The following PTPRF variants were observed in gnomAD, a reference collection of about 807,000 sequenced individuals.
PTPRF encodes the protein protein tyrosine phosphatase receptor type F.
In PTPRF, 59 loss-of-function variants were observed where a neutral mutation model predicts 201.8. The observed-to-expected ratio is 0.29, with a 90% CI of 0.24 to 0.36. The LOEUF (loss-of-function observed/expected upper bound fraction) is 0.36. Among genes scored for constraint, PTPRF ranks in the 10% least tolerant of loss-of-function variants. The probability of loss-of-function intolerance (pLI) is 1.00; values close to 1 mark genes in which losing one functional copy is unlikely to be tolerated. For missense variants in PTPRF, 2,132 were observed against 2,690.5 expected (o/e 0.79, Z 4.59); for synonymous variants, 1,088 against 1,089.7 (o/e 1.00, Z 0.03).
intron 3 of PTPRF, among the ~76,000 whole-genome samples, chr1:43,545,951 G>A (rs1413805903): frequency 6.6e-6 from 1 of 152,176 alleles, no homozygotes; most frequent in Non-Finnish European, 1.5e-5. Flanking sequence ...CTTGGTTACT[G>A]GTGGGAGGCG....
intron 21 of PTPRF, among the ~76,000 whole-genome samples, chr1:43,609,055 G>C (rs987306495): frequency 2.6e-5 from 4 of 152,030 alleles, no homozygotes; most frequent in African/African-American, 7.3e-5. Flanking sequence ...TACTCAGCTG[G>C]GTGGCCTTGG....
chr1:43,527,386 C>T (rs1056562790), upstream of PTPRF, among the ~76,000 whole-genome samples: 2 of 152,230 alleles, frequency 1.3e-5, no homozygotes, highest in South Asian at 2.1e-4. Context: ...CTCCCAGGCC[C>T]GGCCACCTGA....
intron 5 of PTPRF, among the ~76,000 whole-genome samples, chr1:43,559,818 G>T (rs1472986963): frequency 6.7e-6 from 1 of 149,454 alleles, no homozygotes; most frequent in African/African-American, 2.5e-5. Flanking sequence ...TGGTGTGTGT[G>T]TGCATCTTTA....
intron 5 of PTPRF, among the ~76,000 whole-genome samples, chr1:43,556,158 CAT>C (rs549246090): frequency 2.0e-4 from 31 of 152,240 alleles, no homozygotes; most frequent in Non-Finnish European, 3.5e-4. Flanking sequence ...AACAGCTGCA[CAT>C]GTTTTCACAT....
Position 43,603,589 on chromosome 1 carries a change from A to G in PTPRF, c.2459-22A>G. The G allele has an allele frequency of 1.2e-6, 2 of 1,612,410 alleles. No homozygotes were observed. Among genetic ancestry groups the G allele is most frequent in the Middle Eastern group, 3.3e-4 (2 of 6,058 alleles). On this transcript the variant is annotated intron_variant, in intron 15 of 33. Transcript: ENST00000359947. This position sits in a 1 kb window ranked among gnomAD's most constrained non-coding sequence, Gnocchi z 5.8. The stretch of plus-strand genomic sequence containing the variant: ...TGGGGCAGCAGGAGGGCAGCGCCAG[A>G]GCCCAGCCCGTGGTCCTTCAGTCCC...
chr1:43,590,519 C>G, intron 8 of PTPRF, among the ~76,000 whole-genome samples: 1 of 152,220 alleles, frequency 6.6e-6, no homozygotes, highest in East Asian at 1.9e-4. Context: ...CTCTTTCTAT[C>G]CGGGCCAGTC....
At chr1:43,598,420 C>A (rs1652914443) in intron 12 of PTPRF, 1 of 481,914 alleles carries the variant, frequency 2.1e-6, no homozygotes, top group African/African-American at 1.9e-5. Context: ...ACAGGTTGTG[C>A]TGACTAGGGG....
chr1:43,543,478 G>T (rs74071960), intron 2 of PTPRF, among the ~76,000 whole-genome samples: 2,393 of 152,292 alleles, frequency 0.016, 68 homozygotes, highest in African/African-American at 0.054. Context: ...TTACTTTGTT[G>T]TTCAGCTCCT....
chr1:43,615,040 T>C (rs1657409544), intron 23 of PTPRF, among the ~76,000 whole-genome samples: 1 of 151,980 alleles, frequency 6.6e-6, no homozygotes, highest in Non-Finnish European at 1.5e-5. Flanking sequence ...AATTGAGGGG[T>C]TGGCTGAGCC....
intron 5 of PTPRF, among the ~76,000 whole-genome samples, chr1:43,561,284 T>A (rs1395065881): frequency 6.6e-6 from 1 of 152,110 alleles, no homozygotes; most frequent in Non-Finnish European, 1.5e-5. Context: ...GGTACATGTG[T>A]GTTTTCTCAA....
rs1654815428 is a variant in PTPRF, at chr1:43,605,299, G to T, written c.3245G>T (p.Ser1082Ile). ...EYSFVLMNRG[S>I]SAGGLQHLVS... The stretch of plus-strand genomic sequence containing the variant: ...TCGTTTGTGCTGATGAACCGTGGCA[G>T]CAGCGCAGGGGGCCTGCAGCACCTG... The change falls in exon 18 of 34, where the codon AGC becomes ATC. Residue 1082 changes from serine (S) to isoleucine (I), a missense_variant. Coordinates refer to ENST00000359947, the MANE Select transcript of PTPRF (RefSeq NM_002840.5). 1.9e-6 allele frequency: 3 copies of T among 1,613,312 alleles called. No individual in the cohort carries two copies. Among genetic ancestry groups the T allele is most frequent in the East Asian group, 2.2e-5 (1 of 44,852 alleles).
chr1:43,597,740 T>TTCCCCCCCCCCCCCCCCCCC lies in PTPRF; in HGVS notation c.1814-3_1814-2insCCCCCCCCCCCCCCCTCCCC. On this transcript the variant is annotated splice_polypyrimidine_tract_variant and splice_region_variant and intron_variant, in intron 11 of 33. Coordinates refer to ENST00000359947, the MANE Select transcript of PTPRF (RefSeq NM_002840.5). ...TCTGCTTGCTTCCCCCCCATTTGTC[T>TTCCCCCCCCCCCCCCCCCCC]TCCCCAGCCCCCTCCGCCCCTCCCC... 1 of 1,447,670 alleles carries TTCCCCCCCCCCCCCCCCCCC rather than the reference T, an allele frequency of 6.9e-7. No individual in the cohort carries two copies. Among genetic ancestry groups the TTCCCCCCCCCCCCCCCCCCC allele is most frequent in the Non-Finnish European group, 9.5e-7 (1 of 1,051,800 alleles). 89.7% of individuals were successfully genotyped at this position (1,447,670 alleles called of 1,614,324 possible). A position where few individuals can be genotyped will look rare whatever the true frequency, so the allele number is the denominator to read the frequency against.
At chr1:43,596,146 T>G (rs1570462937) in intron 11 of PTPRF, among the ~76,000 whole-genome samples, 4 of 150,748 alleles carry the variant, frequency 2.7e-5, no homozygotes, top group East Asian at 2.0e-4. Context: ...ACATGGAGGG[T>G]GGGAAGGACA....
intron 7 of PTPRF, among the ~76,000 whole-genome samples, chr1:43,586,454 C>G (rs1420626534): frequency 6.6e-6 from 1 of 152,210 alleles, no homozygotes; most frequent in Non-Finnish European, 1.5e-5. Context: ...ATTTGAGGTG[C>G]GTGCTCAGAG....
intron 2 of PTPRF, among the ~76,000 whole-genome samples, chr1:43,539,977 G>T (rs1644261392): frequency 1.3e-5 from 2 of 152,208 alleles, no homozygotes; most frequent in African/African-American, 4.8e-5. Flanking sequence ...AAGGCCCAGG[G>T]TGCCCACAGG....
chr1:43,597,761 TC>T lies in PTPRF; in HGVS notation c.1831del (p.Gln611ArgfsTer3). 2 of 794,072 alleles carry T rather than the reference TC, an allele frequency of 2.5e-6. No individual in the cohort carries two copies. The highest frequency in any genetic ancestry group is 3.5e-6 in the Non-Finnish European group (2 of 574,236). The allele number at this position is 794,072 out of a possible 1,614,324, so 49.2% of individuals were successfully genotyped here. ...TGTCTTCCCCAGCCCCCTCCGCCCC[TC>T]CCCAGAAGGTGATGTGTGTGAGCAT... ...RTAQSTPSAP[P>X]QKVMCVSMGS... On this transcript the variant is annotated frameshift_variant, in exon 12 of 34. Coordinates refer to ENST00000359947, the MANE Select transcript of PTPRF (RefSeq NM_002840.5). LOFTEE classifies it high-confidence loss of function.
intron 5 of PTPRF, among the ~76,000 whole-genome samples, chr1:43,555,240 T>G (rs770274844): frequency 6.6e-6 from 1 of 152,134 alleles, no homozygotes; most frequent in Non-Finnish European, 1.5e-5. Flanking sequence ...GAGGAAAAAA[T>G]TAAAATGTCT....
chr1:43,578,781 G>T (rs772440896), intron 6 of PTPRF, 29 bp from the exon 7 acceptor site: 1 of 1,566,290 alleles, frequency 6.4e-7, no homozygotes, highest in East Asian at 2.2e-5. Context: ...CATGGGCCGT[G>T]CCTGACCTCT....
At chr1:43,544,267 T>G (rs537322303) in intron 2 of PTPRF, among the ~76,000 whole-genome samples, 2 of 152,026 alleles carry the variant, frequency 1.3e-5, no homozygotes, top group East Asian at 3.9e-4. Context: ...TTCTAGGGTC[T>G]AACACCCCAT....
Sources: gnomAD v4.1 joint callset for allele counts (sites outside exome capture counted in the v4.1 genomes callset) on GRCh38, gnomAD v4.1.1 for gene constraint, Gnocchi (gnomAD v3.1) non-coding constraint, MANE v1.5 for transcripts, NCBI Gene and HGNC (gene_info 2026-07-23, HGNC 2026-07-21) for gene names.